Variants in CDH4 observed in about 807,000 individuals in gnomAD.
CDH4 encodes cadherin 4.
Under a neutral mutation model 86.0 loss-of-function variants are expected in CDH4, and 33 were observed. The ratio of observed to expected loss-of-function variants is 0.38; its 90% CI spans 0.29 to 0.51. The LOEUF (loss-of-function observed/expected upper bound fraction) is 0.51, where lower values mean the gene tolerates loss of function less well. CDH4 is among the 20% of genes least tolerant of loss of function. The pLI is 0.86. For synonymous variants in CDH4, 555 were observed against 549.4 expected (o/e 1.01, Z -0.14); for missense variants, 1,114 against 1,307.4 (o/e 0.85, Z 2.28).
intron 2 of CDH4, among the ~76,000 whole-genome samples, chr20:61,537,941 T>C (rs989612702): frequency 1.4e-4 from 21 of 152,308 alleles, no homozygotes; most frequent in Admixed American, 5.2e-4. Flanking sequence ...CCCTGGGAAC[T>C]ACCACCGGGT....
intron 2 of CDH4, among the ~76,000 whole-genome samples, chr20:61,436,796 C>T (rs565085501): frequency 3.2e-4 from 49 of 152,288 alleles, no homozygotes; most frequent in Non-Finnish European, 6.8e-4. Flanking sequence ...GTCTTTCTGG[C>T]GACCAGCCTC....
At chr20:61,287,556 A>G (rs181965521) in intron 2 of CDH4, among the ~76,000 whole-genome samples, 3 of 152,304 alleles carry the variant, frequency 2.0e-5, no homozygotes, top group East Asian at 3.9e-4. Flanking sequence ...AGCATTCACA[A>G]GGGATGCCCC....
At chr20:61,404,193 C>G (rs1390925765) in intron 2 of CDH4, among the ~76,000 whole-genome samples, 1 of 152,084 alleles carries the variant, frequency 6.6e-6, no homozygotes, top group Non-Finnish European at 1.5e-5. Flanking sequence ...CCACCACCAC[C>G]TGTCCCAGGG....
At chr20:61,910,085 A>G (rs769245029) in intron 8 of CDH4, among the ~76,000 whole-genome samples, 1 of 152,096 alleles carries the variant, frequency 6.6e-6, no homozygotes, top group Non-Finnish European at 1.5e-5. Context: ...CTGATTCCTG[A>G]TCTGGGCGTG....
intron 2 of CDH4, among the ~76,000 whole-genome samples, chr20:61,669,547 A>G (rs6121451): frequency 0.02 from 2,977 of 152,318 alleles, 79 homozygotes; most frequent in African/African-American, 0.061. Flanking sequence ...TTTCAAGCCC[A>G]GAGGAAGTAA....
intron 7 of CDH4, among the ~76,000 whole-genome samples, chr20:61,888,484 A>G (rs1984647315): frequency 6.6e-6 from 1 of 152,244 alleles, no homozygotes; most frequent in East Asian, 1.9e-4. Context: ...AGGAGGGCAC[A>G]TTTTCTTTCT....
rs953803102 is a variant in CDH4, at chr20:61,516,671, T to G, written c.170-226892T>G. Among the ~76,000 whole-genome samples the G allele has an allele frequency of 3.3e-5, 5 of 152,172 alleles. No individual in the cohort carries two copies. The highest frequency in any genetic ancestry group is 1.2e-4 in the African/African-American group (5 of 41,442). ...AGACCCTCAGAGAGGCCGGATTGATTGTAATAGCACAGGGCTGCAGCACAG... is the reference window on the plus strand; with the variant it reads ...AGACCCTCAGAGAGGCCGGATTGATGGTAATAGCACAGGGCTGCAGCACAG... On this transcript the variant is annotated intron_variant, in intron 2 of 15. Coordinates refer to ENST00000614565, the MANE Select transcript of CDH4 (RefSeq NM_001794.5). This position sits in a 1 kb window ranked among gnomAD's most constrained non-coding sequence, Gnocchi z 4.0.
intron 2 of CDH4, among the ~76,000 whole-genome samples, chr20:61,533,196 C>A (rs1299212394): frequency 1.3e-5 from 2 of 152,166 alleles, no homozygotes; most frequent in Non-Finnish European, 2.9e-5. Flanking sequence ...TGGGAGCCAA[C>A]CTCAAGGAGA....
In CDH4 at chr20:61,703,950, G is replaced by T. The variant is rs570263427; in HGVS notation, c.170-39613G>T. On this transcript the variant is annotated intron_variant, in intron 2 of 15. Transcript: ENST00000614565. The surrounding 1 kb of genome is among the most constrained non-coding windows in gnomAD (Gnocchi z 4.3). ...AGGTTGAGCTGGAGCAGAGGCAGGG[G>T]TGTGGTTGGGATGAGGGTGGCAGAG... is the stretch of plus-strand genomic sequence containing the variant. Among the ~76,000 whole-genome samples, 6 of 152,256 alleles carry T rather than the reference G, an allele frequency of 3.9e-5. No homozygotes were observed. The East Asian group carries it at 9.7e-4, about 25-fold the overall frequency.
intron 4 of CDH4, among the ~76,000 whole-genome samples, chr20:61,814,695 G>A (rs534785869): frequency 2.6e-5 from 4 of 152,316 alleles, no homozygotes; most frequent in Non-Finnish European, 5.9e-5. Context: ...TCCTGATCTC[G>A]TCATGCTTCT....
chr20:61,690,790 A>G (rs1165366655), intron 2 of CDH4, among the ~76,000 whole-genome samples: 2 of 152,110 alleles, frequency 1.3e-5, no homozygotes, highest in African/African-American at 4.8e-5. Context: ...TGGTGATGGC[A>G]TAGCCTTCCT....
At chr20:61,422,640 G>A (rs1475421639) in intron 2 of CDH4, among the ~76,000 whole-genome samples, 1 of 152,084 alleles carries the variant, frequency 6.6e-6, no homozygotes, top group African/African-American at 2.4e-5. Flanking sequence ...CCATGCAGGA[G>A]AACTTACGGA....
chr20:61,598,442 C>T (rs113872133), intron 2 of CDH4, among the ~76,000 whole-genome samples: 1 of 152,086 alleles, frequency 6.6e-6, no homozygotes, highest in Middle Eastern at 3.4e-3. Context: ...TCCCTCCTTC[C>T]GTACTATGGC....
intron 2 of CDH4, among the ~76,000 whole-genome samples, chr20:61,640,642 A>T (rs2086996871): frequency 1.3e-5 from 2 of 152,184 alleles, no homozygotes; most frequent in Non-Finnish European, 2.9e-5. Flanking sequence ...ATGCTTCGAG[A>T]CGGACTGGAG....
rs546805719 is a variant in CDH4, at chr20:61,516,315, G to A, written c.170-227248G>A. Among the ~76,000 whole-genome samples, 33 of 152,190 alleles carry A rather than the reference G, an allele frequency of 2.2e-4. No homozygotes were observed. The highest frequency in any genetic ancestry group is 8.3e-4 in the South Asian group (4 of 4,822). On this transcript the variant is annotated intron_variant, in intron 2 of 15. Transcript: ENST00000614565. The surrounding 1 kb of genome is among the most constrained non-coding windows in gnomAD (Gnocchi z 4.0). Reference sequence around the variant, plus strand: ...TCTTCCTGCTCCTTCCTTACATCCCGTCTATTAATGCCATGGTCCCTGAGC... The same window carrying A: ...TCTTCCTGCTCCTTCCTTACATCCCATCTATTAATGCCATGGTCCCTGAGC...
intron 4 of CDH4, among the ~76,000 whole-genome samples, chr20:61,781,695 A>C (rs560100164): frequency 6.6e-6 from 1 of 152,328 alleles, no homozygotes; most frequent in East Asian, 1.9e-4. Context: ...ATCAGAAAAA[A>C]ATCCTCAAAG....
At position 61,743,670 on chromosome 20, in the gene CDH4, G is replaced by T. The variant is rs750401864; in HGVS notation, c.277G>T (p.Val93Phe). The change falls in exon 3 of 16, where the codon GTC becomes TTC. Residue 93 changes from valine (V) to phenylalanine (F), a missense_variant. Val to Phe is a conservative substitution (Grantham distance 50). This residue lies in a region of CDH4 where 221 missense variants were observed against 209.5 expected (regional missense o/e 1.05). Coordinates refer to ENST00000614565, the MANE Select transcript of CDH4 (RefSeq NM_001794.5). ...GTVFATRELQ[V>F]PSEQVAFTVT... ...AGTCTTCGCCACCCGGGAGCTGCAG[G>T]TCCCCTCCGAGCAGGTGGCGTTCAC... The T allele has an allele frequency of 1.2e-6, 2 of 1,603,972 alleles. No homozygotes were observed. Among genetic ancestry groups the T allele is most frequent in the South Asian group, 1.1e-5 (1 of 88,988 alleles).
chr20:61,495,529 TG>T (rs2085655119), intron 2 of CDH4, among the ~76,000 whole-genome samples: 1 of 152,110 alleles, frequency 6.6e-6, no homozygotes. Flanking sequence ...GAGGTGGGAA[TG>T]GCCACTTAAG....
At chr20:61,525,405 G>A (rs574912746) in intron 2 of CDH4, among the ~76,000 whole-genome samples, 1 of 152,292 alleles carries the variant, frequency 6.6e-6, no homozygotes, top group South Asian at 2.1e-4. Context: ...AACAGGCTGG[G>A]GAAGCGGGCT....
Sources: allele counts gnomAD v4.1 joint callset (sites outside exome capture counted in the v4.1 genomes callset), GRCh38; gene constraint gnomAD v4.1.1; regional missense constraint gnomAD v4.1.1; non-coding constraint Gnocchi (gnomAD v3.1); transcripts MANE v1.5; gene names NCBI Gene and HGNC (gene_info 2026-07-23, HGNC 2026-07-21).